YBX3: variants seen among roughly 807,000 people sequenced by gnomAD.
YBX3 encodes Y-box binding protein 3, also known as Y-box-binding protein 3.
A neutral mutation model predicts 42.4 loss-of-function variants in YBX3; 29 were observed. The ratio of observed to expected loss-of-function variants is 0.68; its 90% CI spans 0.51 to 0.93. The LOEUF (loss-of-function observed/expected upper bound fraction) is 0.93, where lower values mean the gene tolerates loss of function less well. Ranked by LOEUF, YBX3 falls within the 40% of genes least tolerant of loss-of-function variation. The pLI, the probability that YBX3 is intolerant of heterozygous loss-of-function variation, is 0.00. For synonymous variants in YBX3, 195 were observed against 189.8 expected (o/e 1.03, Z -0.22); for missense variants, 517 against 527.5 (o/e 0.98, Z 0.19).
intron 7 of YBX3, 197 bp downstream of exon 7, chr12:10,703,854 G>A: frequency 1.9e-6 from 1 of 524,186 alleles, no homozygotes; most frequent in East Asian, 3.1e-5. Context: ...ATGACGCTTT[G>A]GCGCAGAGAT....
intron 1 of YBX3, among the ~76,000 whole-genome samples, chr12:10,720,087 A>G (rs1173392755): frequency 4.6e-5 from 7 of 152,326 alleles, no homozygotes; most frequent in Admixed American, 3.3e-4. Context: ...TAAAGACTCA[A>G]TGAAACAGGA....
chr12:10,722,057 A>T (rs1249902834), intron 1 of YBX3: 1 of 152,238 alleles, frequency 6.6e-6, no homozygotes, highest in African/African-American at 2.4e-5. Flanking sequence ...GTTTTGAACT[A>T]ACGTCATACC....
rs966952528 is a variant in YBX3, at chr12:10,701,964, T to C, written c.1049A>G (p.Lys350Arg). Reference sequence around the variant, plus strand: ...GCCCTGACTGGTTGGATTTACCTCTTTGCCATCTTGTGAAGGAGCGTTAGG... The same window carrying C: ...GCCCTGACTGGTTGGATTTACCTCTCTGCCATCTTGTGAAGGAGCGTTAGG... ...RPPNAPSQDG[K>R]EAKAGEAPTE... is the part of the protein sequence containing the mutation. Residue 350 changes from lysine to arginine, a missense_variant, in exon 8 of 10, where the codon AAA (lysine) becomes AGA (arginine). By Grantham distance (26) the Lys-to-Arg change is conservative (BLOSUM62 2). Transcript: ENST00000228251. The C allele has an allele frequency of 6.2e-7, 1 of 1,612,080 alleles. No homozygotes were observed. The highest frequency in any genetic ancestry group is 1.7e-5 in the Admixed American group (1 of 59,856).
At chr12:10,716,891 C>T (rs1948269091) in intron 3 of YBX3, among the ~76,000 whole-genome samples, 1 of 152,136 alleles carries the variant, frequency 6.6e-6, no homozygotes, top group South Asian at 2.1e-4. Context: ...ATTGAGGTGA[C>T]TCACCACACA....
intron 3 of YBX3, among the ~76,000 whole-genome samples, chr12:10,716,908 C>T (rs748459185): frequency 3.3e-5 from 5 of 152,138 alleles, no homozygotes; most frequent in African/African-American, 9.7e-5. Context: ...CACAACCTCA[C>T]GGGGGCTGGA....
At chr12:10,717,946 C>T (rs1467433182) in intron 3 of YBX3, 142 bp downstream of exon 3, 12 of 589,130 alleles carry the variant, frequency 2.0e-5, no homozygotes, top group Non-Finnish European at 3.0e-5. Context: ...AAATGTGGAA[C>T]TGAACTCCTG....
intron 4 of YBX3, among the ~76,000 whole-genome samples, chr12:10,713,985 G>C (rs1294681150): frequency 6.6e-6 from 1 of 152,190 alleles, no homozygotes; most frequent in Non-Finnish European, 1.5e-5. Context: ...AGATTTCAGA[G>C]AGTGTATTTC....
chr12:10,715,413 G>A (rs1948249455), intron 4 of YBX3, among the ~76,000 whole-genome samples: 1 of 151,986 alleles, frequency 6.6e-6, no homozygotes, highest in African/African-American at 2.4e-5. Flanking sequence ...GGGCGTGGTG[G>A]TGGATGCCTG....
At chr12:10,709,874 G>C (rs756841153) in intron 6 of YBX3, 34 bp downstream of exon 6, 4 of 1,610,262 alleles carry the variant, frequency 2.5e-6, no homozygotes, top group Non-Finnish European at 2.5e-6. Context: ...GAAGGGTGAG[G>C]ATTGCTGAAG....
intron 5 of YBX3, chr12:10,711,597 A>T (rs1201884522): frequency 6.6e-6 from 1 of 152,194 alleles, no homozygotes; most frequent in Non-Finnish European, 1.5e-5. Context: ...CATTTCACAC[A>T]ATCAAATCTT....
chr12:10,704,255 T>A, intron 6 of YBX3, 107 bp from the exon 7 acceptor site: 1 of 818,414 alleles, frequency 1.2e-6, no homozygotes, highest in South Asian at 1.9e-5. Context: ...ACAAAATGCT[T>A]CATTACAAAA....
chr12:10,712,513 A>C (rs1396756428), intron 5 of YBX3: 1 of 152,248 alleles, frequency 6.6e-6, no homozygotes, highest in Non-Finnish European at 1.5e-5. Flanking sequence ...TATGCTAAAT[A>C]AAACAGCCTC....
intron 1 of YBX3, chr12:10,722,239 C>T (rs1485526457): frequency 6.6e-6 from 1 of 152,308 alleles, no homozygotes; most frequent in Admixed American, 6.5e-5. Flanking sequence ...ACGATTGCAA[C>T]ATCTCTTTGC....
intron 3 of YBX3, 150 bp from the exon 4 acceptor site, chr12:10,715,933 C>G: frequency 1.6e-6 from 1 of 636,816 alleles, no homozygotes; most frequent in East Asian, 2.8e-5. Context: ...ATCTCCAACA[C>G]AACAACAAGA....
At chr12:10,720,964 G>T (rs1948317899) in intron 1 of YBX3, 1 of 152,164 alleles carries the variant, frequency 6.6e-6, no homozygotes, top group Non-Finnish European at 1.5e-5. Context: ...GAAGACCATA[G>T]ATTTCCATAA....
Position 10,723,247 on chromosome 12 carries a change from G to A in YBX3, c.-136C>T, listed in dbSNP as rs1948357256. The A allele has an allele frequency of 1.7e-6, 2 of 1,163,846 alleles. No individual in the cohort carries two copies. Among genetic ancestry groups the A allele is most frequent in the South Asian group, 4.2e-5 (1 of 23,690 alleles). The allele number at this position is 1,163,846 out of a possible 1,614,324, so 72.1% of individuals were successfully genotyped here. A position where few individuals can be genotyped will look rare whatever the true frequency, so the allele number is the denominator to read the frequency against. On this transcript the variant is annotated 5_prime_UTR_variant, in exon 1 of 10. Coordinates refer to ENST00000228251, the MANE Select transcript of YBX3 (RefSeq NM_003651.5). Reference sequence around the variant, plus strand: ...TCTCGCGGCGCAGGCGGCGGCGGCCGAGGTGGGGTCGCGCGGCGGAGGCGG... The same window carrying A: ...TCTCGCGGCGCAGGCGGCGGCGGCCAAGGTGGGGTCGCGCGGCGGAGGCGG...
chr12:10,704,937 T>A (rs891789866), intron 6 of YBX3, among the ~76,000 whole-genome samples: 1 of 152,218 alleles, frequency 6.6e-6, no homozygotes, highest in Non-Finnish European at 1.5e-5. Flanking sequence ...TTCAATTTTT[T>A]AAAATTTTGA....
chr12:10,717,920 T>G (rs962115555), intron 3 of YBX3, 168 bp downstream of exon 3: 4 of 489,170 alleles, frequency 8.2e-6, no homozygotes, highest in African/African-American at 7.9e-5. Context: ...GTAGAAGAAC[T>G]TATTTGCCAA....
intron 1 of YBX3, among the ~76,000 whole-genome samples, chr12:10,720,371 C>CA (rs1264854282): frequency 2.0e-5 from 3 of 151,402 alleles, no homozygotes; most frequent in East Asian, 1.9e-4. Context: ...AAATCCAAAA[C>CA]AAAAAAAACA....
Sources: gnomAD v4.1 joint callset for allele counts (sites outside exome capture counted in the v4.1 genomes callset) on GRCh38, gnomAD v4.1.1 for gene constraint, MANE v1.5 for transcripts, NCBI Gene and HGNC (gene_info 2026-07-23, HGNC 2026-07-21) for gene names.